Variants in SMCO2 observed in about 807,000 individuals in gnomAD.
SMCO2 encodes the protein single-pass membrane and coiled-coil domain-containing protein 2.
A neutral mutation model predicts 29.5 loss-of-function variants in SMCO2; 25 were observed. The ratio of observed to expected loss-of-function variants is 0.85; its 90% CI spans 0.62 to 1.18. The LOEUF is 1.18. Ranked by LOEUF, SMCO2 falls within the 50% of genes most tolerant of loss-of-function variation. SMCO2 has a pLI of 0.00. For missense variants in SMCO2, 348 were observed against 344.5 expected (o/e 1.01, Z -0.08); for synonymous variants, 117 against 123.3 (o/e 0.95, Z 0.34).
At chr12:27,481,783 T>A (rs1949645386) in intron 4 of SMCO2, among the ~76,000 whole-genome samples, 3 of 152,220 alleles carry the variant, frequency 2.0e-5, no homozygotes, top group Admixed American at 1.3e-4. Context: ...GATATTGACA[T>A]AAAGTTATCC....
chr12:27,442,071 CA>C, the SMCO2 span, among the ~76,000 whole-genome samples: 1 of 152,034 alleles, frequency 6.6e-6, no homozygotes, highest in African/African-American at 2.4e-5. Flanking sequence ...GCAGTACTAA[CA>C]AGGAAGTTAA....
chr12:27,485,344 C>G (rs1433056489), intron 4 of SMCO2, among the ~76,000 whole-genome samples: 1 of 151,804 alleles, frequency 6.6e-6, no homozygotes, highest in East Asian at 1.9e-4. Context: ...TCATGTTTTT[C>G]TCTACCTTCT....
chr12:27,478,747 T>C (rs551332187), intron 4 of SMCO2, among the ~76,000 whole-genome samples: 3 of 151,938 alleles, frequency 2.0e-5, no homozygotes, highest in Non-Finnish European at 4.4e-5. Context: ...GCAGGGCCCA[T>C]CCTCAGGCCC....
At chr12:27,475,665 T>C in intron 4 of SMCO2, 1 of 1,549,492 alleles carries the variant, frequency 6.5e-7, no homozygotes, top group Non-Finnish European at 8.7e-7. Flanking sequence ...GCTGATTACA[T>C]AGACGGAACG....
the SMCO2 span, among the ~76,000 whole-genome samples, chr12:27,427,449 T>C: frequency 2.0e-5 from 3 of 152,186 alleles, no homozygotes; most frequent in Non-Finnish European, 2.9e-5. Context: ...AGACCTCTTA[T>C]TCTAGGGCTC....
chr12:27,427,494 CAGG>C, the SMCO2 span, among the ~76,000 whole-genome samples: 1 of 152,124 alleles, frequency 6.6e-6, no homozygotes, highest in Non-Finnish European at 1.5e-5. Context: ...CAGAGGGCCT[CAGG>C]AGGCCTACCT....
At chr12:27,485,277 T>C (rs1275912760) in intron 4 of SMCO2, among the ~76,000 whole-genome samples, 1 of 152,050 alleles carries the variant, frequency 6.6e-6, no homozygotes, top group Non-Finnish European at 1.5e-5. Flanking sequence ...GTAGTTTGTG[T>C]CTATAGAAGT....
upstream of SMCO2, among the ~76,000 whole-genome samples, chr12:27,465,875 T>C (rs1404777795): frequency 6.6e-6 from 1 of 152,180 alleles, no homozygotes; most frequent in African/African-American, 2.4e-5. Flanking sequence ...TTTATCTCCA[T>C]GGTGCTGAAT....
chr12:27,432,625 T>C, the SMCO2 span, among the ~76,000 whole-genome samples: 2 of 152,226 alleles, frequency 1.3e-5, no homozygotes, highest in African/African-American at 4.8e-5. Flanking sequence ...TAAAGAAATA[T>C]CACGTTTTTC....
At chr12:27,493,703 T>C (rs1278967761) in intron 5 of SMCO2, 1 of 152,236 alleles carries the variant, frequency 6.6e-6, no homozygotes, top group Non-Finnish European at 1.5e-5. Context: ...ACACGTGCAA[T>C]TGGCATTCAC....
intron 4 of SMCO2, among the ~76,000 whole-genome samples, chr12:27,481,483 T>C (rs573340065): frequency 1.2e-4 from 18 of 152,348 alleles, no homozygotes; most frequent in Admixed American, 1.1e-3. Context: ...ACACTTGCCA[T>C]GTAGAAAACC....
At chr12:27,501,359 T>C (rs553068225) in intron 7 of SMCO2, among the ~76,000 whole-genome samples, 12 of 129,842 alleles carry the variant, frequency 9.2e-5, no homozygotes, top group Non-Finnish European at 1.8e-4. Context: ...GAGCTTGCAG[T>C]GAGCCGGGAT....
At chr12:27,468,384 G>A (rs189094869) in intron 1 of SMCO2, among the ~76,000 whole-genome samples, 7 of 149,418 alleles carry the variant, frequency 4.7e-5, no homozygotes, top group Non-Finnish European at 5.9e-5. Flanking sequence ...TGCAAAAGGA[G>A]TCATAGATGA....
At chr12:27,497,636 G>A in intron 7 of SMCO2, 1 of 152,834 alleles carries the variant, frequency 6.5e-6, no homozygotes, top group South Asian at 2.0e-4. Context: ...AGGCTGAGGT[G>A]GGACTATCAC....
intron 7 of SMCO2, chr12:27,498,153 G>A: frequency 2.8e-6 from 1 of 363,096 alleles, no homozygotes; most frequent in Non-Finnish European, 5.4e-6. Context: ...AACCGGTTGA[G>A]TGACAACATC....
chr12:27,473,010 C>A, intron 3 of SMCO2, 135 bp downstream of exon 3: 1 of 667,852 alleles, frequency 1.5e-6, no homozygotes, highest in Non-Finnish European at 2.5e-6. Context: ...AACTTCAAAG[C>A]TTGAAATCAG....
At chr12:27,472,036 CCTAT>C (rs1263414518) in intron 2 of SMCO2, among the ~76,000 whole-genome samples, 4 of 152,144 alleles carry the variant, frequency 2.6e-5, no homozygotes, top group African/African-American at 7.2e-5. Flanking sequence ...AAACATTCTA[CCTAT>C]CTGTTAATAA....
At chr12:27,473,290 CCTT>C (rs1949557167) in intron 3 of SMCO2, among the ~76,000 whole-genome samples, 1 of 152,092 alleles carries the variant, frequency 6.6e-6, no homozygotes, top group Admixed American at 6.6e-5. Context: ...AGGAGAGAAT[CCTT>C]CTTCAGGCTT....
At chr12:27,438,173 T>C in the SMCO2 span, among the ~76,000 whole-genome samples, 1 of 152,232 alleles carries the variant, frequency 6.6e-6, no homozygotes, top group African/African-American at 2.4e-5. Context: ...CTTCCCTTTC[T>C]TGAATCTTCC....
Sources: gnomAD v4.1 joint callset for allele counts (sites outside exome capture counted in the v4.1 genomes callset) on GRCh38, gnomAD v4.1.1 for gene constraint, MANE v1.5 for transcripts, NCBI Gene and HGNC (gene_info 2026-07-23, HGNC 2026-07-21) for gene names.